Variants in ANXA8 observed in about 807,000 individuals in gnomAD.
ANXA8 encodes the protein annexin A8, also known as VAC-beta.
Under a neutral mutation model 26.8 loss-of-function variants are expected in ANXA8, and 9 were observed. The observed-to-expected ratio is 0.34, with a 90% confidence interval of 0.20 to 0.59. The LOEUF (loss-of-function observed/expected upper bound fraction) is 0.59, where lower values mean the gene tolerates loss of function less well. Among genes scored for constraint, ANXA8 ranks in the 20% least tolerant of loss-of-function variants. The pLI is 0.84. For missense variants in ANXA8, 83 were observed against 238.5 expected, an observed-to-expected ratio of 0.35 and a Z score of 4.29; for synonymous variants, 39 against 94.8, an observed-to-expected ratio of 0.41 and a Z score of 3.42.
chr10:47,700,302 G>A, the ANXA8 span, among the ~76,000 whole-genome samples: 1 of 151,924 alleles, frequency 6.6e-6, no homozygotes. Context: ...TGCATGAATA[G>A]ACAAGTAGAC....
At chr10:47,952,769 G>A in the ANXA8 span, among the ~76,000 whole-genome samples, 1 of 148,860 alleles carries the variant, frequency 6.7e-6, no homozygotes, top group Non-Finnish European at 1.5e-5. Flanking sequence ...AAGACATGTG[G>A]TATAGGTTTC....
the ANXA8 span, among the ~76,000 whole-genome samples, chr10:47,969,470 AGCTGTGTTCCCATGAGGCG>A: frequency 6.8e-6 from 1 of 146,356 alleles, no homozygotes; most frequent in Non-Finnish European, 1.5e-5. Flanking sequence ...GTCACAGGGC[AGCTGTGTTCCCATGAGGCG>A]GCTGTGTTCC....
chr10:47,547,380 TTG>T, the ANXA8 span, among the ~76,000 whole-genome samples: 1 of 139,572 alleles, frequency 7.2e-6, no homozygotes, highest in African/African-American at 2.6e-5. Context: ...AAGCTACCGT[TTG>T]TGTTTTTAAA....
the ANXA8 span, among the ~76,000 whole-genome samples, chr10:47,500,013 C>G: frequency 2.0e-5 from 3 of 151,052 alleles, no homozygotes; most frequent in African/African-American, 7.3e-5. Flanking sequence ...TCGAGCAGTC[C>G]TCTCAACTTG....
chr10:47,484,324 T>G (rs1238280210), upstream of ANXA8: 1 of 636,596 alleles, frequency 1.6e-6, no homozygotes, highest in Admixed American at 2.3e-5. Flanking sequence ...CCTCAGGTGA[T>G]CTGCCCACCT....
upstream of ANXA8, among the ~76,000 whole-genome samples, chr10:47,485,777 A>G (rs1840029347): frequency 6.6e-6 from 1 of 151,896 alleles, no homozygotes; most frequent in African/African-American, 2.4e-5. Context: ...GCCCACTACT[A>G]CCCACTATCA....
At chr10:47,626,603 A>G in the ANXA8 span, among the ~76,000 whole-genome samples, 1 of 150,078 alleles carries the variant, frequency 6.7e-6, no homozygotes, top group Non-Finnish European at 1.5e-5. Context: ...TTCACTTATT[A>G]CTCATGATAA....
At chr10:47,918,380 A>AGC in the ANXA8 span, among the ~76,000 whole-genome samples, 1 of 16,464 alleles carries the variant, frequency 6.1e-5, no homozygotes, top group Admixed American at 8.3e-4. Flanking sequence ...AGAGAGAGAG[A>AGC]GAGAGAAAGA....
At chr10:47,763,799 G>T in the ANXA8 span, among the ~76,000 whole-genome samples, 1 of 142,922 alleles carries the variant, frequency 7.0e-6, no homozygotes, top group East Asian at 2.2e-4. Flanking sequence ...GTGGGGGGGG[G>T]AGGGGGTGGT....
the ANXA8 span, among the ~76,000 whole-genome samples, chr10:47,769,752 G>A: frequency 6.6e-6 from 1 of 152,308 alleles, no homozygotes; most frequent in East Asian, 1.9e-4. Context: ...TCAATTAAAT[G>A]ATTGGTCTCA....
upstream of ANXA8, among the ~76,000 whole-genome samples, chr10:47,488,775 T>G (rs1840091961): frequency 7.9e-6 from 1 of 126,848 alleles, no homozygotes; most frequent in Admixed American, 1.0e-4. Context: ...TCGCCCAGGC[T>G]GGAGTGCAGT....
the ANXA8 span, among the ~76,000 whole-genome samples, chr10:47,525,865 C>T: frequency 4.1e-5 from 5 of 120,804 alleles, 1 homozygote; most frequent in Non-Finnish European, 6.7e-5. Flanking sequence ...ACTGCAATGG[C>T]GTGATCTTGG....
At chr10:47,552,259 C>A in the ANXA8 span, among the ~76,000 whole-genome samples, 2 of 151,636 alleles carry the variant, frequency 1.3e-5, no homozygotes, top group Non-Finnish European at 2.9e-5. Flanking sequence ...ACTTTTCAGC[C>A]ATTTAGCCAT....
the ANXA8 span, among the ~76,000 whole-genome samples, chr10:47,651,133 G>T: frequency 6.6e-6 from 1 of 151,420 alleles, no homozygotes. Context: ...CTGTGCCGTC[G>T]AGGCTGCAGT....
the ANXA8 span, among the ~76,000 whole-genome samples, chr10:47,570,594 CA>C: frequency 6.7e-6 from 1 of 150,022 alleles, no homozygotes; most frequent in Non-Finnish European, 1.5e-5. Context: ...CCACCCTAGG[CA>C]ATATAGCGAG....
At chr10:47,953,740 T>G in the ANXA8 span, among the ~76,000 whole-genome samples, 3 of 150,348 alleles carry the variant, frequency 2.0e-5, no homozygotes, top group Non-Finnish European at 4.4e-5. Context: ...AATATCTGAA[T>G]AGACGCTTCT....
the ANXA8 span, among the ~76,000 whole-genome samples, chr10:47,618,071 A>G: frequency 9.0e-6 from 1 of 110,502 alleles, no homozygotes; most frequent in Non-Finnish European, 2.0e-5. Context: ...TTCAAAACTT[A>G]TAGATTAGCA....
the ANXA8 span, chr10:47,590,017 T>C: frequency 3.1e-3 from 453 of 145,120 alleles, 1 homozygote; most frequent in African/African-American, 0.012. Flanking sequence ...CCTCTCAGCT[T>C]TCAGGAACCC....
chr10:47,891,270 TAC>T, the ANXA8 span, among the ~76,000 whole-genome samples: 5 of 147,518 alleles, frequency 3.4e-5, no homozygotes, highest in African/African-American at 1.2e-4. Flanking sequence ...AAATAAATAA[TAC>T]ACAGTTATTA....
Sources: gnomAD v4.1 joint callset for allele counts (sites outside exome capture counted in the v4.1 genomes callset) on GRCh38, gnomAD v4.1.1 for gene constraint, MANE v1.5 for transcripts, NCBI Gene and HGNC (gene_info 2026-07-23, HGNC 2026-07-21) for gene names.